PGGT1B: variants seen among roughly 807,000 people sequenced by gnomAD.
PGGT1B encodes protein geranylgeranyltransferase type I subunit beta.
A neutral mutation model predicts 46.1 loss-of-function variants in PGGT1B; 30 were observed. The ratio of observed to expected loss-of-function variants is 0.65; its 90% CI spans 0.49 to 0.88. PGGT1B has a LOEUF of 0.88. Among genes scored for constraint, PGGT1B ranks in the 40% least tolerant of loss-of-function variants. PGGT1B has a pLI of 0.00. For synonymous variants in PGGT1B, 170 were observed against 160.0 expected (o/e 1.06, Z -0.47); for missense variants, 376 against 455.9 (o/e 0.82, Z 1.60).
chr5:115,242,871 GC>G (rs1164411061), intron 2 of PGGT1B, among the ~76,000 whole-genome samples: 1 of 152,086 alleles, frequency 6.6e-6, no homozygotes, highest in Non-Finnish European at 1.5e-5. Flanking sequence ...GGAAGCTGAG[GC>G]AAGAGAATTG....
At chr5:115,236,305 G>T in intron 5 of PGGT1B, 85 bp downstream of exon 5, 1 of 965,332 alleles carries the variant, frequency 1.0e-6, no homozygotes, top group Non-Finnish European at 1.5e-6. Flanking sequence ...AATTGTTGGC[G>T]GAAGAGATGA....
intron 3 of PGGT1B, among the ~76,000 whole-genome samples, chr5:115,238,277 A>G (rs1757244494): frequency 1.3e-5 from 1 of 79,716 alleles, no homozygotes; most frequent in African/African-American, 5.2e-5. Flanking sequence ...ATTATGTATT[A>G]CTTATTTTTT....
chr5:115,220,367 A>G (rs1232904464), intron 7 of PGGT1B, among the ~76,000 whole-genome samples: 2 of 151,896 alleles, frequency 1.3e-5, no homozygotes, highest in African/African-American at 4.8e-5. Context: ...CAAATATTGT[A>G]TGATTTCACC....
At chr5:115,252,127 G>C (rs1266714724) in intron 2 of PGGT1B, among the ~76,000 whole-genome samples, 2 of 152,056 alleles carry the variant, frequency 1.3e-5, no homozygotes, top group Non-Finnish European at 2.9e-5. Flanking sequence ...TGTTAGATCT[G>C]TAACTATTGA....
chr5:115,232,763 C>T (rs1464810324), intron 5 of PGGT1B, among the ~76,000 whole-genome samples: 1 of 151,846 alleles, frequency 6.6e-6, no homozygotes, highest in Non-Finnish European at 1.5e-5. Context: ...CAGAAAGAGG[C>T]CTGGTAAACA....
At chr5:115,235,429 A>G (rs182303988) in intron 5 of PGGT1B, among the ~76,000 whole-genome samples, 2 of 152,232 alleles carry the variant, frequency 1.3e-5, no homozygotes, top group Admixed American at 6.5e-5. Flanking sequence ...CTGAATATTT[A>G]GTCTCCAGGT....
At chr5:115,246,364 A>G (rs944816602) in intron 2 of PGGT1B, among the ~76,000 whole-genome samples, 3 of 152,104 alleles carry the variant, frequency 2.0e-5, no homozygotes, top group African/African-American at 7.2e-5. Flanking sequence ...TCAAAAAAAA[A>G]AAAAAAATTC....
intron 2 of PGGT1B, among the ~76,000 whole-genome samples, chr5:115,245,658 C>T (rs1208567120): frequency 1.3e-5 from 2 of 152,066 alleles, no homozygotes; most frequent in Non-Finnish European, 2.9e-5. Context: ...AAAAGTGAAA[C>T]AGGAAGAAAT....
intron 2 of PGGT1B, among the ~76,000 whole-genome samples, chr5:115,252,210 C>T (rs909427041): frequency 6.6e-6 from 1 of 151,882 alleles, no homozygotes. Context: ...TTCTGATAGA[C>T]CTAGTTCAAA....
intron 8 of PGGT1B, among the ~76,000 whole-genome samples, chr5:115,215,030 G>A (rs901919631): frequency 2.0e-5 from 3 of 152,126 alleles, no homozygotes; most frequent in Non-Finnish European, 4.4e-5. Context: ...ACAGAGTCTC[G>A]CTCTGTCGCC....
At chr5:115,224,467 CA>C (rs2126997977) in intron 6 of PGGT1B, among the ~76,000 whole-genome samples, 1 of 152,310 alleles carries the variant, frequency 6.6e-6, no homozygotes, top group South Asian at 2.1e-4. Context: ...GAAACATTTA[CA>C]AAGTCTATGC....
rs1047719109 is a variant in PGGT1B, at chr5:115,204,262, A to C, written c.*8140T>G. The C allele has an allele frequency of 2.6e-5, 4 of 152,130 alleles. No homozygotes were observed. The highest frequency in any genetic ancestry group is 7.2e-5 in the African/African-American group (3 of 41,428). The allele number at this position is 152,130 out of a possible 1,614,324, so 9.4% of individuals were successfully genotyped here. ...TGAAACCACTTGGAGGGCTTGTTTA[A>C]AACACAAATGTCTAACCCTACCCCC... On this transcript the variant is annotated 3_prime_UTR_variant, in exon 9 of 9. Transcript: ENST00000419445.
At chr5:115,229,995 G>A (rs1488273113) in intron 6 of PGGT1B, among the ~76,000 whole-genome samples, 1 of 152,028 alleles carries the variant, frequency 6.6e-6, no homozygotes, top group Non-Finnish European at 1.5e-5. Flanking sequence ...TACTTGATAG[G>A]ACAAAATCCC....
At chr5:115,229,598 AT>A (rs1423929174) in intron 6 of PGGT1B, among the ~76,000 whole-genome samples, 1 of 152,156 alleles carries the variant, frequency 6.6e-6, no homozygotes, top group African/African-American at 2.4e-5. Flanking sequence ...ATTCCAGAGA[AT>A]ATAATCCCAA....
chr5:115,240,330 G>C (rs1362775300), intron 3 of PGGT1B, among the ~76,000 whole-genome samples: 1 of 152,194 alleles, frequency 6.6e-6, no homozygotes, highest in Non-Finnish European at 1.5e-5. Context: ...TAAAAGTAAT[G>C]TTATTAAAGC....
chr5:115,230,044 T>G lies in PGGT1B; in HGVS notation c.658+932A>C, dbSNP rs1005322976. ...GGCTATGGGATTAAGGAATATTTGT[T>G]AGAAATATCTTTTTATACAGGTTTA... On this transcript the variant is annotated intron_variant, in intron 6 of 8. Coordinates refer to ENST00000419445, the MANE Select transcript of PGGT1B (RefSeq NM_005023.4). Among the ~76,000 whole-genome samples, 10 of 152,162 alleles carry G rather than the reference T, an allele frequency of 6.6e-5. No homozygotes were observed. The South Asian group carries it at 8.3e-4, about 13-fold the overall frequency.
intron 2 of PGGT1B, among the ~76,000 whole-genome samples, chr5:115,246,600 T>G (rs187247010): frequency 6.6e-6 from 1 of 152,278 alleles, no homozygotes; most frequent in Admixed American, 6.5e-5. Flanking sequence ...TATTTAACAG[T>G]TGCAAAACAA....
chr5:115,238,222 T>A (rs763470599), intron 3 of PGGT1B, among the ~76,000 whole-genome samples: 2 of 151,244 alleles, frequency 1.3e-5, no homozygotes, highest in Non-Finnish European at 2.9e-5. Context: ...AATTCTTTGA[T>A]ACCTCAGGCA....
chr5:115,246,150 G>A (rs1466990762), intron 2 of PGGT1B, among the ~76,000 whole-genome samples: 1 of 152,110 alleles, frequency 6.6e-6, no homozygotes, highest in East Asian at 1.9e-4. Context: ...TCAGGAGTTC[G>A]AGACCAGCCT....
Sources: gnomAD v4.1 joint callset for allele counts (sites outside exome capture counted in the v4.1 genomes callset) on GRCh38, gnomAD v4.1.1 for gene constraint, MANE v1.5 for transcripts, NCBI Gene and HGNC (gene_info 2026-07-23, HGNC 2026-07-21) for gene names.